The following LMBR1 variants were observed in gnomAD, a reference collection of about 807,000 sequenced individuals.
LMBR1 encodes limb region 1 protein homolog.
A neutral mutation model predicts 73.9 loss-of-function variants in LMBR1; 52 were observed. The observed-to-expected ratio is 0.70, with a 90% confidence interval of 0.56 to 0.89. LMBR1 has a LOEUF of 0.89. Ranked by LOEUF, LMBR1 falls within the 40% of genes least tolerant of loss-of-function variation. The pLI is 0.00. For synonymous variants in LMBR1, 215 were observed against 209.4 expected (o/e 1.03, Z -0.23); for missense variants, 539 against 579.8 (o/e 0.93, Z 0.72).
intron 8 of LMBR1, among the ~76,000 whole-genome samples, chr7:156,759,182 G>A (rs79444366): frequency 0.024 from 3,730 of 152,250 alleles, 153 homozygotes; most frequent in African/African-American, 0.085. Flanking sequence ...TCCCAGATGG[G>A]GAGACAAAAG....
chr7:156,699,384 C>T (rs1485445646), intron 15 of LMBR1, among the ~76,000 whole-genome samples: 8 of 152,002 alleles, frequency 5.3e-5, no homozygotes, highest in African/African-American at 1.5e-4. Flanking sequence ...CCCTTCCTTA[C>T]ACTTTATACA....
intron 5 of LMBR1, among the ~76,000 whole-genome samples, chr7:156,786,646 A>G (rs1355309580): frequency 6.6e-6 from 1 of 152,242 alleles, no homozygotes; most frequent in Non-Finnish European, 1.5e-5. Flanking sequence ...CTAAGAGTTT[A>G]GTTGAAGTGT....
At chr7:156,692,083 T>A (rs1262813883) in intron 15 of LMBR1, among the ~76,000 whole-genome samples, 1 of 148,956 alleles carries the variant, frequency 6.7e-6, no homozygotes, top group East Asian at 2.0e-4. Flanking sequence ...ACGCTTTACC[T>A]TTTTTTTTTG....
At chr7:156,708,274 A>C (rs1383222705) in intron 15 of LMBR1, among the ~76,000 whole-genome samples, 1 of 152,240 alleles carries the variant, frequency 6.6e-6, no homozygotes, top group Non-Finnish European at 1.5e-5. Flanking sequence ...AAGAAGCAGC[A>C]TATCATTGCA....
rs750595752 is a variant in LMBR1, at chr7:156,826,587, T to A, written c.319+18A>T. 1 of 1,394,012 alleles carries A rather than the reference T, an allele frequency of 7.2e-7. No individual in the cohort carries two copies. Among genetic ancestry groups the A allele is most frequent in the South Asian group, 1.7e-5 (1 of 60,184 alleles). 86.4% of individuals were successfully genotyped at this position (1,394,012 alleles called of 1,614,324 possible). A position where few individuals can be genotyped will look rare whatever the true frequency, so the allele number is the denominator to read the frequency against. Reference sequence around the variant, plus strand: ...ATTAAAATATTAATTGTGATTATATTAAGCAATATATACTAACCATGAATC... The same window carrying A: ...ATTAAAATATTAATTGTGATTATATAAAGCAATATATACTAACCATGAATC... On this transcript the variant is annotated intron_variant, in intron 4 of 16. Coordinates refer to ENST00000353442, the MANE Select transcript of LMBR1 (RefSeq NM_022458.4).
intron 5 of LMBR1, among the ~76,000 whole-genome samples, chr7:156,770,730 A>G (rs1209793693): frequency 6.6e-6 from 1 of 152,122 alleles, no homozygotes; most frequent in Non-Finnish European, 1.5e-5. Context: ...CCTGGGCAAC[A>G]TAGCAAGACC....
chr7:156,732,308 G>T (rs1192193275), intron 10 of LMBR1, among the ~76,000 whole-genome samples: 1 of 152,146 alleles, frequency 6.6e-6, no homozygotes, highest in Non-Finnish European at 1.5e-5. Flanking sequence ...CCAGCTTACT[G>T]TCTTGAGAGT....
Position 156,853,648 on chromosome 7 carries a change from A to G in LMBR1, c.67-16763T>C, listed in dbSNP as rs1409572635. The stretch of plus-strand genomic sequence containing the variant: ...CCCAAAGGAAGTCACCACATAGAAT[A>G]AAGCTTTTGTTTGTTTTTGTTTTTT... On this transcript the variant is annotated intron_variant, in intron 1 of 16. Coordinates refer to ENST00000353442, the MANE Select transcript of LMBR1 (RefSeq NM_022458.4). Among the ~76,000 whole-genome samples the G allele has an allele frequency of 3.9e-5, 6 of 152,254 alleles. No individual in the cohort carries two copies. In the East Asian group the frequency reaches 1.2e-3, roughly 29 times the overall value.
At chr7:156,764,808 A>G (rs1354690998) in intron 5 of LMBR1, among the ~76,000 whole-genome samples, 1 of 152,230 alleles carries the variant, frequency 6.6e-6, no homozygotes, top group Non-Finnish European at 1.5e-5. Context: ...AGTTCTTCAA[A>G]TTCAATAGAA....
intron 1 of LMBR1, among the ~76,000 whole-genome samples, chr7:156,882,984 T>C (rs1005326486): frequency 6.6e-6 from 1 of 151,884 alleles, no homozygotes; most frequent in Non-Finnish European, 1.5e-5. Flanking sequence ...TGAGCCGAGA[T>C]CACGCTATTG....
At chr7:156,788,452 A>G (rs535329819) in intron 5 of LMBR1, among the ~76,000 whole-genome samples, 1 of 152,114 alleles carries the variant, frequency 6.6e-6, no homozygotes, top group African/African-American at 2.4e-5. Context: ...TAGTTAAGCA[A>G]TCTATGACTA....
intron 1 of LMBR1, among the ~76,000 whole-genome samples, chr7:156,885,237 C>T (rs1248986219): frequency 6.6e-6 from 1 of 151,654 alleles, no homozygotes; most frequent in South Asian, 2.1e-4. Flanking sequence ...CCTGTAATCC[C>T]AGCTACTTGG....
chr7:156,679,214 T>C lies in LMBR1; in HGVS notation c.*4864A>G, dbSNP rs978002574. On this transcript the variant is annotated 3_prime_UTR_variant, in exon 17 of 17. Coordinates refer to ENST00000353442, the MANE Select transcript of LMBR1 (RefSeq NM_022458.4). ...CGCAAGGTGGTCCTGGGGGTGACTG[T>C]GGGACGACAAAGAACTCGACCCTCC... 2 of 152,156 alleles carry C rather than the reference T, an allele frequency of 1.3e-5. No homozygotes were observed. Among genetic ancestry groups the C allele is most frequent in the Admixed American group, 1.3e-4 (2 of 15,280 alleles). 9.4% of individuals were successfully genotyped at this position (152,156 alleles called of 1,614,324 possible). A position where few individuals can be genotyped will look rare whatever the true frequency, so the allele number is the denominator to read the frequency against.
At chr7:156,743,925 A>C (rs934686307) in intron 9 of LMBR1, among the ~76,000 whole-genome samples, 2 of 152,188 alleles carry the variant, frequency 1.3e-5, no homozygotes, top group African/African-American at 4.8e-5. Context: ...CAGTTTTAAC[A>C]ATATTTAGTT....
intron 15 of LMBR1, among the ~76,000 whole-genome samples, chr7:156,718,635 G>A (rs1042077524): frequency 1.9e-4 from 29 of 152,092 alleles, no homozygotes; most frequent in African/African-American, 6.3e-4. Context: ...TACTCGGGAG[G>A]CTGAGGTGGG....
intron 1 of LMBR1, among the ~76,000 whole-genome samples, chr7:156,853,033 G>T (rs531475401): frequency 8.6e-5 from 13 of 151,664 alleles, no homozygotes; most frequent in Admixed American, 1.3e-4. Context: ...CTGCCTCCCA[G>T]GTTCAGGCCA....
intron 1 of LMBR1, among the ~76,000 whole-genome samples, chr7:156,849,663 T>C (rs1419957382): frequency 6.6e-6 from 1 of 152,172 alleles, no homozygotes; most frequent in African/African-American, 2.4e-5. Context: ...CAGTTGTTTG[T>C]TGCCAGGGGT....
intron 15 of LMBR1, among the ~76,000 whole-genome samples, chr7:156,704,660 C>G (rs1160315712): frequency 6.8e-6 from 1 of 146,756 alleles, no homozygotes; most frequent in African/African-American, 2.5e-5. Flanking sequence ...TTCAAACAAG[C>G]TCAATGAGAT....
intron 5 of LMBR1, among the ~76,000 whole-genome samples, chr7:156,785,366 C>T (rs10281201): frequency 0.97 from 148,277 of 152,282 alleles, 72,213 homozygotes; most frequent in East Asian, 1. Flanking sequence ...AGAATATTAA[C>T]GAAAATGCAA....
Sources: allele counts gnomAD v4.1 joint callset (sites outside exome capture counted in the v4.1 genomes callset), GRCh38; gene constraint gnomAD v4.1.1; transcripts MANE v1.5; gene names NCBI Gene and HGNC (gene_info 2026-07-23, HGNC 2026-07-21).